Variants in MCTP1 observed in about 807,000 individuals in gnomAD.
The protein encoded by MCTP1 is multiple C2 and transmembrane domain-containing protein 1.
Under a neutral mutation model 120.6 loss-of-function variants are expected in MCTP1, and 69 were observed. That is an observed-to-expected ratio of 0.57 (90% CI 0.47 to 0.70). The LOEUF (loss-of-function observed/expected upper bound fraction) is 0.70, where lower values mean the gene tolerates loss of function less well. Ranked by LOEUF, MCTP1 falls within the 30% of genes least tolerant of loss-of-function variation. The pLI, the probability that MCTP1 is intolerant of heterozygous loss-of-function variation, is 0.00. For synonymous variants in MCTP1, 529 were observed against 493.1 expected (o/e 1.07, Z -0.96); for missense variants, 1,203 against 1,248.8 (o/e 0.96, Z 0.55).
intron 1 of MCTP1, among the ~76,000 whole-genome samples, chr5:95,179,347 T>C (rs1327551193): frequency 6.6e-6 from 1 of 152,144 alleles, no homozygotes; most frequent in Non-Finnish European, 1.5e-5. Flanking sequence ...AGGAAATTCA[T>C]TACAAAAAGA....
intron 3 of MCTP1, among the ~76,000 whole-genome samples, chr5:94,947,558 A>ATG (rs1444016747): frequency 0.057 from 2,659 of 46,900 alleles, 205 homozygotes; most frequent in South Asian, 0.11. Flanking sequence ...TTTACTAAAT[A>ATG]TATATATATA....
chr5:95,170,042 A>G (rs376686254), intron 1 of MCTP1, among the ~76,000 whole-genome samples: 1 of 152,070 alleles, frequency 6.6e-6, no homozygotes, highest in Non-Finnish European at 1.5e-5. Context: ...TCTCTTGTGG[A>G]CATTTAGTGC....
At chr5:95,232,158 T>TAAAAAAAAAAAAAAAA (rs35731165) in intron 1 of MCTP1, among the ~76,000 whole-genome samples, 1 of 66,992 alleles carries the variant, frequency 1.5e-5, no homozygotes, top group Non-Finnish European at 3.0e-5. Context: ...AAGTGATCAC[T>TAAAAAAAAAAAAAAAA]AAAAAAAAAA....
At chr5:95,274,234 G>C (rs1319011154) in intron 1 of MCTP1, among the ~76,000 whole-genome samples, 3 of 152,138 alleles carry the variant, frequency 2.0e-5, no homozygotes, top group Non-Finnish European at 4.4e-5. Context: ...TTTGTGCTTA[G>C]GCAACAGTCT....
chr5:95,078,891 A>G (rs1754250664), intron 1 of MCTP1, among the ~76,000 whole-genome samples: 1 of 152,204 alleles, frequency 6.6e-6, no homozygotes, highest in Non-Finnish European at 1.5e-5. Context: ...CAGATAGTTC[A>G]TAAATAGTTA....
chr5:94,956,120 C>T (rs1371214214), intron 2 of MCTP1, among the ~76,000 whole-genome samples: 3 of 152,194 alleles, frequency 2.0e-5, no homozygotes, highest in African/African-American at 4.8e-5. Flanking sequence ...GATACCCAGG[C>T]AAACAGTCTG....
chr5:95,029,358 C>G (rs886911138), intron 1 of MCTP1, among the ~76,000 whole-genome samples: 12 of 152,094 alleles, frequency 7.9e-5, no homozygotes, highest in Admixed American at 2.6e-4. Context: ...GCTCTAGAAG[C>G]CTCATTTTCT....
intron 1 of MCTP1, chr5:95,024,005 T>C (rs1838710660): frequency 2.4e-6 from 1 of 411,086 alleles, no homozygotes; most frequent in Non-Finnish European, 4.8e-6. Context: ...CACTAGTTCC[T>C]TGTTGGATGT....
intron 1 of MCTP1, among the ~76,000 whole-genome samples, chr5:95,233,935 A>T (rs1755247746): frequency 6.6e-6 from 1 of 152,112 alleles, no homozygotes; most frequent in African/African-American, 2.4e-5. Flanking sequence ...ACAGTGGGGA[A>T]AGTCAATGAA....
intron 1 of MCTP1, among the ~76,000 whole-genome samples, chr5:95,155,400 G>T (rs1439763241): frequency 6.6e-6 from 1 of 151,988 alleles, no homozygotes; most frequent in Non-Finnish European, 1.5e-5. Context: ...TAATTTTTTT[G>T]AGTATAAAAT....
chr5:94,769,574 C>CA (rs1478840516), intron 19 of MCTP1, among the ~76,000 whole-genome samples: 1 of 151,962 alleles, frequency 6.6e-6, no homozygotes, highest in Non-Finnish European at 1.5e-5. Context: ...TGATAGACCA[C>CA]AAAAATTACA....
chr5:95,121,406 C>A (rs1427415595), intron 1 of MCTP1, among the ~76,000 whole-genome samples: 7 of 149,980 alleles, frequency 4.7e-5, no homozygotes. Flanking sequence ...TTTACAATAA[C>A]CACAAATAAA....
rs536156120 is a variant in MCTP1, at chr5:94,800,692, G to GT, written c.2437-1561dup. 9.9e-4 allele frequency among the ~76,000 whole-genome samples: 150 copies of GT among 152,078 alleles called. 2 individuals are homozygous for GT. The South Asian group carries it at 0.012, about 12-fold the overall frequency. On this transcript the variant is annotated intron_variant, in intron 17 of 22. Transcript: ENST00000515393. ...ACTTCATGACATTACTGTACCATCCGTTTTTTCAATGTGACATTAAATTTT... is the reference window on the plus strand; with the variant it reads ...ACTTCATGACATTACTGTACCATCCGTTTTTTTCAATGTGACATTAAATTTT...
chr5:94,846,401 C>CA (rs1204421058), intron 17 of MCTP1, among the ~76,000 whole-genome samples: 15 of 151,814 alleles, frequency 9.9e-5, no homozygotes, highest in South Asian at 2.1e-4. Flanking sequence ...AACAAAGAAA[C>CA]AAAAAAAACA....
At chr5:94,834,527 G>C (rs1190104179) in intron 17 of MCTP1, among the ~76,000 whole-genome samples, 1 of 152,142 alleles carries the variant, frequency 6.6e-6, no homozygotes, top group East Asian at 1.9e-4. Flanking sequence ...GAGATACTAA[G>C]ACTTTTAGGA....
At chr5:94,868,272 C>T in intron 17 of MCTP1, 61 bp downstream of exon 17, 2 of 1,445,750 alleles carry the variant, frequency 1.4e-6, no homozygotes, top group Non-Finnish European at 1.8e-6. Flanking sequence ...GCCACAGAAA[C>T]ATGCAGCTAT....
chr5:94,932,119 C>T (rs1581424105), intron 5 of MCTP1, 128 bp from the exon 6 acceptor site: 2 of 531,222 alleles, frequency 3.8e-6, no homozygotes, highest in Non-Finnish European at 6.6e-6. Context: ...AATTATACAA[C>T]ACAAAACTTG....
At chr5:94,720,479 ATACAAT>A in intron 19 of MCTP1, among the ~76,000 whole-genome samples, 1 of 152,176 alleles carries the variant, frequency 6.6e-6, no homozygotes, top group Non-Finnish European at 1.5e-5. Flanking sequence ...ATTATAGTAC[ATACAAT>A]TGATAGATTA....
chr5:95,169,102 T>C (rs1335025979), intron 1 of MCTP1, among the ~76,000 whole-genome samples: 1 of 152,238 alleles, frequency 6.6e-6, no homozygotes, highest in Non-Finnish European at 1.5e-5. Flanking sequence ...GTTTTTATCA[T>C]GAAGGGCTGC....
Sources: allele counts gnomAD v4.1 joint callset (sites outside exome capture counted in the v4.1 genomes callset), GRCh38; gene constraint gnomAD v4.1.1; transcripts MANE v1.5; gene names NCBI Gene and HGNC (gene_info 2026-07-23, HGNC 2026-07-21).